Variants in MTMR10 observed in about 807,000 individuals in gnomAD.
MTMR10 encodes the protein myotubularin-related protein 10.
A neutral mutation model predicts 88.1 loss-of-function variants in MTMR10; 56 were observed. That is an observed-to-expected ratio of 0.64 (90% CI 0.51 to 0.79). The LOEUF is 0.79. Ranked by LOEUF, MTMR10 falls within the 30% of genes least tolerant of loss-of-function variation. MTMR10 has a pLI of 0.00. For missense variants in MTMR10, 883 were observed against 924.7 expected, an observed-to-expected ratio of 0.95 and a Z score of 0.58; for synonymous variants, 380 against 340.9, an observed-to-expected ratio of 1.11 and a Z score of -1.26.
At chr15:30,970,485 C>T (rs2063524508) in intron 5 of MTMR10, among the ~76,000 whole-genome samples, 1 of 152,142 alleles carries the variant, frequency 6.6e-6, no homozygotes, top group African/African-American at 2.4e-5. Flanking sequence ...TGCAGCACCA[C>T]TTCAGTAGCT....
chr15:30,969,905 T>C (rs1288690562), intron 5 of MTMR10, among the ~76,000 whole-genome samples: 1 of 152,124 alleles, frequency 6.6e-6, no homozygotes. Context: ...CCAACTATGC[T>C]TTCTTGGAAA....
At chr15:30,976,258 C>A (rs1049980713) in intron 3 of MTMR10, among the ~76,000 whole-genome samples, 1 of 151,826 alleles carries the variant, frequency 6.6e-6, no homozygotes, top group African/African-American at 2.4e-5. Flanking sequence ...AACAGTTAGC[C>A]GGGAGTGGTG....
Position 30,939,973 on chromosome 15 carries a change from T to A in MTMR10, c.*1497A>T. 4 of 981,226 alleles carry A rather than the reference T, an allele frequency of 4.1e-6. No homozygotes were observed. Among genetic ancestry groups the A allele is most frequent in the Non-Finnish European group, 4.8e-6 (4 of 826,100 alleles). The allele number at this position is 981,226 out of a possible 1,614,324, so 60.8% of individuals were successfully genotyped here. On this transcript the variant is annotated 3_prime_UTR_variant, in exon 16 of 16. Transcript: ENST00000435680. ...TCCTGTCCTGTTATATCCAGAGACA[T>A]TATCAAATTTTAAAAGGCAAATAAT... is the stretch of plus-strand genomic sequence containing the variant.
chr15:30,928,374 C>A, the MTMR10 span: 3 of 1,424,216 alleles, frequency 2.1e-6, no homozygotes, highest in Non-Finnish European at 1.8e-6. Context: ...AAACAACATA[C>A]TGTATAAAAT....
chr15:30,946,488 C>A (rs1660206222), intron 14 of MTMR10: 1 of 450,714 alleles, frequency 2.2e-6, no homozygotes, highest in Non-Finnish European at 4.0e-6. Context: ...GGCCTTACGG[C>A]TGAGGCTGAA....
intron 9 of MTMR10, among the ~76,000 whole-genome samples, chr15:30,958,266 C>T (rs1439412097): frequency 6.6e-6 from 1 of 152,222 alleles, no homozygotes; most frequent in Non-Finnish European, 1.5e-5. Context: ...GAGGATGGGT[C>T]TGCAGAAGGC....
chr15:30,941,156 A>T lies in MTMR10; in HGVS notation c.*314T>A. On this transcript the variant is annotated 3_prime_UTR_variant, in exon 16 of 16. Coordinates refer to ENST00000435680, the MANE Select transcript of MTMR10 (RefSeq NM_017762.3). ...CTGCCTGGGGCTGCTAATGTGACTG[A>T]CTATCAGATAGCCTTCAGGAGGTGG... 1 of 1,156,448 alleles carries T rather than the reference A, an allele frequency of 8.6e-7. No individual in the cohort carries two copies. Among genetic ancestry groups the T allele is most frequent in the Non-Finnish European group, 1.2e-6 (1 of 868,068 alleles). The allele number at this position is 1,156,448 out of a possible 1,614,324, so 71.6% of individuals were successfully genotyped here.
intron 2 of MTMR10, among the ~76,000 whole-genome samples, chr15:30,978,919 A>T (rs2030355874): frequency 6.6e-6 from 1 of 152,098 alleles, no homozygotes; most frequent in African/African-American, 2.4e-5. Flanking sequence ...ATATAGACGC[A>T]CTGAGTAATT....
At chr15:30,980,616 A>G (rs1180370273) in intron 2 of MTMR10, among the ~76,000 whole-genome samples, 1 of 152,192 alleles carries the variant, frequency 6.6e-6, no homozygotes, top group Non-Finnish European at 1.5e-5. Context: ...CTTTTAAAAT[A>G]CCATTTTCCA....
In MTMR10 at chr15:30,941,009, A is replaced by G. The variant is rs2063028487; in HGVS notation, c.*461T>C. On this transcript the variant is annotated 3_prime_UTR_variant, in exon 16 of 16. Coordinates refer to ENST00000435680, the MANE Select transcript of MTMR10 (RefSeq NM_017762.3). ...ACTGAACCTTCATCAGGTGAGTTCA[A>G]TTAGAGACGACAGAAAGTAACCAGA... 1.7e-6 allele frequency: 2 copies of G among 1,169,850 alleles called. No homozygotes were observed. The highest frequency in any genetic ancestry group is 1.1e-6 in the Non-Finnish European group (1 of 934,212). 72.5% of individuals were successfully genotyped at this position (1,169,850 alleles called of 1,614,324 possible). A position where few individuals can be genotyped will look rare whatever the true frequency, so the allele number is the denominator to read the frequency against.
chr15:30,920,107 C>T, the MTMR10 span, among the ~76,000 whole-genome samples: 11 of 152,196 alleles, frequency 7.2e-5, no homozygotes, highest in African/African-American at 2.4e-4. Context: ...ACAAGAAGTA[C>T]GTATGCAAAT....
intron 1 of MTMR10, 50 bp from the exon 2 acceptor site, chr15:30,990,887 G>A: frequency 6.9e-7 from 1 of 1,449,810 alleles, no homozygotes. Flanking sequence ...CCCACCCTCC[G>A]TAAAATGCTA....
At chr15:30,931,843 T>C in the MTMR10 span, among the ~76,000 whole-genome samples, 23 of 152,168 alleles carry the variant, frequency 1.5e-4, no homozygotes, top group Admixed American at 1.2e-3. Context: ...GTAAGTCCTA[T>C]AATGACTTGT....
intron 5 of MTMR10, 135 bp from the exon 6 acceptor site, chr15:30,968,145 C>A: frequency 1.7e-6 from 1 of 593,838 alleles, no homozygotes; most frequent in Non-Finnish European, 2.8e-6. Flanking sequence ...TTCTGTTGAC[C>A]TAGAATATAA....
chr15:30,989,339 C>T (rs2031157529), intron 2 of MTMR10, among the ~76,000 whole-genome samples: 1 of 152,084 alleles, frequency 6.6e-6, no homozygotes, highest in Admixed American at 6.5e-5. Context: ...AAAGCACTAA[C>T]AAAATCAAGG....
chr15:30,960,384 G>A (rs1326253576), intron 7 of MTMR10, among the ~76,000 whole-genome samples: 1 of 152,196 alleles, frequency 6.6e-6, no homozygotes, highest in African/African-American at 2.4e-5. Flanking sequence ...TTAAGCCTCT[G>A]TTGCTAACAT....
chr15:30,933,960 C>T (rs1213964438), downstream of MTMR10, among the ~76,000 whole-genome samples: 4 of 152,102 alleles, frequency 2.6e-5, no homozygotes, highest in Admixed American at 2.6e-4. Flanking sequence ...TGGGGTTCCA[C>T]CATGTTGCCC....
chr15:30,938,944 A>T lies in MTMR10; in HGVS notation c.*2526T>A. 2.0e-6 allele frequency: 2 copies of T among 985,416 alleles called. No individual in the cohort carries two copies. Among genetic ancestry groups the T allele is most frequent in the Middle Eastern group, 5.2e-4 (1 of 1,914 alleles). 61.0% of individuals were successfully genotyped at this position (985,416 alleles called of 1,614,324 possible). On this transcript the variant is annotated 3_prime_UTR_variant, in exon 16 of 16. Coordinates refer to ENST00000435680, the MANE Select transcript of MTMR10 (RefSeq NM_017762.3). ...TGATTTCATACTGACAACAACAAAC[A>T]GTCGCTGTGGAATTTTATTAAGCCA...
chr15:30,970,001 AAC>A (rs1196382557), intron 5 of MTMR10, among the ~76,000 whole-genome samples: 2 of 152,140 alleles, frequency 1.3e-5, no homozygotes, highest in Non-Finnish European at 2.9e-5. Flanking sequence ...AACCCAGAAC[AAC>A]AGTTTCAATA....
Sources: allele counts gnomAD v4.1 joint callset (sites outside exome capture counted in the v4.1 genomes callset), GRCh38; gene constraint gnomAD v4.1.1; transcripts MANE v1.5; gene names NCBI Gene and HGNC (gene_info 2026-07-23, HGNC 2026-07-21).